NLRP4: variants seen among roughly 807,000 people sequenced by gnomAD.
NLRP4 encodes NACHT, LRR and PYD domains-containing protein 4.
A neutral mutation model predicts 84.7 loss-of-function variants in NLRP4; 44 were observed. The ratio of observed to expected loss-of-function variants is 0.52; its 90% CI spans 0.41 to 0.67. NLRP4 has a LOEUF of 0.67. Ranked by LOEUF, NLRP4 falls within the 30% of genes least tolerant of loss-of-function variation. NLRP4 has a pLI of 0.00. For missense variants in NLRP4, 1,260 were observed against 1,219.4 expected, an observed-to-expected ratio of 1.03 and a Z score of -0.50; for synonymous variants, 544 against 476.4, an observed-to-expected ratio of 1.14 and a Z score of -1.85.
rs867630877 is a variant in NLRP4 at position 55,837,881 on chromosome 19, C to A, written c.-66+947C>A. 2.0e-5 allele frequency among the ~76,000 whole-genome samples: 3 copies of A among 151,916 alleles called. No homozygotes were observed. The East Asian group carries it at 5.8e-4, about 29-fold the overall frequency. On this transcript the variant is annotated intron_variant, in intron 1 of 9. Transcript: ENST00000301295. ...CAAAACCCTGTCTCTACTAAAAATA[C>A]AAAAATCAGCTGGGTATGGTGGCAG...
At chr19:55,840,338 ATGTGTATGTGTGTGTGTG>A (rs1187571191) in intron 1 of NLRP4, among the ~76,000 whole-genome samples, 1 of 136,926 alleles carries the variant, frequency 7.3e-6, no homozygotes, top group African/African-American at 2.8e-5. Context: ...ACATATGTGT[ATGTGTATGTGTGTGTGTG>A]TGTGTGTGTG....
Position 55,849,889 on chromosome 19 carries a change from C to T in NLRP4, c.-65-2127C>T, listed in dbSNP as rs868801628. On this transcript the variant is annotated intron_variant, in intron 1 of 9. Coordinates refer to ENST00000301295, the MANE Select transcript of NLRP4 (RefSeq NM_134444.5). ...ATTTCCGTGGCCGCGGTGTAATTTCCGTGGCCGGCGGTGTAATTTCCGTAG... is the reference window on the plus strand; with the variant it reads ...ATTTCCGTGGCCGCGGTGTAATTTCTGTGGCCGGCGGTGTAATTTCCGTAG... 5.6e-4 allele frequency among the ~76,000 whole-genome samples: 6 copies of T among 10,776 alleles called. 1 individual carries two copies. The East Asian group carries it at 0.031, about 55-fold the overall frequency. The allele number at this position is 10,776 out of a possible 152,430, so 7.1% of individuals were successfully genotyped here.
At chr19:55,873,029 G>A (rs1985247798) in intron 7 of NLRP4, among the ~76,000 whole-genome samples, 1 of 151,974 alleles carries the variant, frequency 6.6e-6, no homozygotes, top group Non-Finnish European at 1.5e-5. Context: ...ACGGGAGGGT[G>A]GATTGTCAAC....
chr19:55,838,146 C>CA (rs1034241350), intron 1 of NLRP4, among the ~76,000 whole-genome samples: 3 of 142,998 alleles, frequency 2.1e-5, no homozygotes, highest in Non-Finnish European at 3.0e-5. Context: ...TGGTGAAATA[C>CA]AAAAAATTAG....
intron 7 of NLRP4, among the ~76,000 whole-genome samples, chr19:55,871,844 A>C (rs79229416): frequency 6.7e-6 from 1 of 149,590 alleles, no homozygotes; most frequent in South Asian, 2.1e-4. Context: ...AACAGAAATA[A>C]TCTTTTTTTT....
chr19:55,846,609 A>G (rs995902029), intron 1 of NLRP4, among the ~76,000 whole-genome samples: 26 of 152,184 alleles, frequency 1.7e-4, no homozygotes, highest in African/African-American at 6.0e-4. Context: ...TATATATCTA[A>G]TATCATCACT....
rs1344965232 is a variant in NLRP4, at chr19:55,851,518, C to T, written c.-65-498C>T. On this transcript the variant is annotated intron_variant, in intron 1 of 9. Transcript: ENST00000301295. Reference sequence around the variant, plus strand: ...GGCTGCGGTGTAATGTCCGTGGCTGCGGTGTAATTTACCGAGGCTGCGGTG... The same window carrying T: ...GGCTGCGGTGTAATGTCCGTGGCTGTGGTGTAATTTACCGAGGCTGCGGTG... Among the ~76,000 whole-genome samples the T allele has an allele frequency of 5.3e-3, 2 of 378 alleles. 1 individual carries two copies. The highest frequency in any genetic ancestry group is 0.012 in the Non-Finnish European group (2 of 166). 0.2% of individuals were successfully genotyped at this position (378 alleles called of 152,430 possible). A position where few individuals can be genotyped will look rare whatever the true frequency, so the allele number is the denominator to read the frequency against.
At chr19:55,840,946 A>C (rs1983591585) in intron 1 of NLRP4, among the ~76,000 whole-genome samples, 1 of 152,200 alleles carries the variant, frequency 6.6e-6, no homozygotes, top group Non-Finnish European at 1.5e-5. Flanking sequence ...TTGGTGAGTA[A>C]GATGGGTTAT....
intron 1 of NLRP4, among the ~76,000 whole-genome samples, chr19:55,841,319 G>T (rs1012281611): frequency 5.3e-5 from 8 of 152,080 alleles, no homozygotes; most frequent in African/African-American, 1.9e-4. Context: ...AGTAACCACT[G>T]TTCTACTCTC....
Position 55,850,031 on chromosome 19 carries a change from G to GT in NLRP4, c.-65-1985_-65-1984insT, listed in dbSNP as rs1308119159. Among the ~76,000 whole-genome samples, 175 of 141,128 alleles carry GT rather than the reference G, an allele frequency of 1.2e-3. 13 individuals are homozygous for GT. Among genetic ancestry groups the GT allele is most frequent in the Non-Finnish European group, 1.4e-3 (95 of 66,200 alleles). 92.6% of individuals were successfully genotyped at this position (141,128 alleles called of 152,430 possible). A position where few individuals can be genotyped will look rare whatever the true frequency, so the allele number is the denominator to read the frequency against. On this transcript the variant is annotated intron_variant, in intron 1 of 9. Transcript: ENST00000301295. The stretch of plus-strand genomic sequence containing the variant: ...TTTCCGAGACTGCGGTGTGATTTCC[G>GT]AGACTGCGGTGTGATTTCCGTAGCT...
chr19:55,868,567 A>T (rs1452497762), intron 6 of NLRP4, among the ~76,000 whole-genome samples: 2 of 144,740 alleles, frequency 1.4e-5, no homozygotes, highest in African/African-American at 5.2e-5. Flanking sequence ...CAGTGGCATG[A>T]TCTTGGCTTA....
chr19:55,863,374 T>C (rs1262250290), intron 5 of NLRP4, among the ~76,000 whole-genome samples: 2 of 152,172 alleles, frequency 1.3e-5, no homozygotes, highest in Non-Finnish European at 2.9e-5. Flanking sequence ...TTCTGAAGGA[T>C]GTACAGGCTT....
At position 55,867,857 on chromosome 19, in the gene NLRP4, A is replaced by G; in HGVS notation, c.2335A>G (p.Thr779Ala). ...GTGTGAAGCCCTGTGCAGCCCAGAC[A>G]CGGTCCTGGTATACCTGATGTGAGT... ...LLCEALCSPDTVLVYLMLAFC... is the reference protein window; with the variant it reads ...LLCEALCSPDAVLVYLMLAFC... The change falls in exon 6 of 10, where the codon ACG (threonine) becomes GCG (alanine). Residue 779 changes from threonine (T) to alanine (A), a missense_variant. Thr to Ala is a moderately conservative substitution (Grantham distance 58). This residue lies in a region of NLRP4 where 544 missense variants were observed against 531.7 expected (regional missense o/e 1.02). Coordinates refer to ENST00000301295, the MANE Select transcript of NLRP4 (RefSeq NM_134444.5). 1.2e-6 allele frequency: 2 copies of G among 1,614,102 alleles called. No individual in the cohort carries two copies. Among genetic ancestry groups the G allele is most frequent in the East Asian group, 4.5e-5 (2 of 44,884 alleles).
At position 55,852,264 on chromosome 19, in the gene NLRP4, C is replaced by T; in HGVS notation, c.184C>T (p.His62Tyr). 6.2e-7 allele frequency: 1 copy of T among 1,607,148 alleles called. No homozygotes were observed. The change falls in exon 2 of 10, where the codon CAC (histidine) becomes TAC (tyrosine). Residue 62 changes from histidine to tyrosine, a missense_variant. His to Tyr is a moderately conservative substitution (Grantham distance 83). This residue lies in a region of NLRP4 where 712 missense variants were observed against 669.2 expected (regional missense o/e 1.06). Coordinates refer to ENST00000301295, the MANE Select transcript of NLRP4 (RefSeq NM_134444.5). ...REELANLLIK[H>Y]YEEQQAWNIT... Reference sequence around the variant, plus strand: ...AGAACTTGCAAACCTCTTGATCAAGCACTATGAAGAACAACAAGCTTGGAA... The same window carrying T: ...AGAACTTGCAAACCTCTTGATCAAGTACTATGAAGAACAACAAGCTTGGAA...
intron 1 of NLRP4, among the ~76,000 whole-genome samples, chr19:55,851,671 CG>C (rs1568660073): frequency 2.7e-5 from 4 of 148,260 alleles, no homozygotes; most frequent in Non-Finnish European, 4.5e-5. Context: ...GTGTAATGTC[CG>C]AGGCTGCGGT....
intron 3 of NLRP4, among the ~76,000 whole-genome samples, chr19:55,861,092 G>A (rs1984730442): frequency 6.6e-6 from 1 of 152,166 alleles, no homozygotes; most frequent in South Asian, 2.1e-4. Context: ...ATTGTAGGAT[G>A]TTCAGAAACA....
At chr19:55,875,430 G>C (rs138264005) in intron 7 of NLRP4, among the ~76,000 whole-genome samples, 383 of 152,130 alleles carry the variant, frequency 2.5e-3, no homozygotes, top group Non-Finnish European at 3.7e-3. Context: ...TAAGCTAGTG[G>C]AATTAAATAA....
intron 7 of NLRP4, among the ~76,000 whole-genome samples, chr19:55,874,955 G>T (rs1985316085): frequency 6.6e-6 from 1 of 152,084 alleles, no homozygotes; most frequent in Admixed American, 6.5e-5. Context: ...ATGTAAAGTT[G>T]CTTTAACATT....
chr19:55,863,305 T>C (rs959232783), intron 5 of NLRP4, among the ~76,000 whole-genome samples: 2 of 152,206 alleles, frequency 1.3e-5, no homozygotes, highest in Non-Finnish European at 2.9e-5. Flanking sequence ...CTCGCGCTGC[T>C]ATAAAGACAT....
Sources: gnomAD v4.1 joint callset for allele counts (sites outside exome capture counted in the v4.1 genomes callset) on GRCh38, gnomAD v4.1.1 for gene constraint, gnomAD v4.1.1 regional missense constraint, MANE v1.5 for transcripts, NCBI Gene and HGNC (gene_info 2026-07-23, HGNC 2026-07-21) for gene names.